Variants in MAP2 observed in about 807,000 individuals in gnomAD.
The protein encoded by MAP2 is microtubule associated protein 2, also known as microtubule-associated protein 2.
A neutral mutation model predicts 137.6 loss-of-function variants in MAP2; 14 were observed. The ratio of observed to expected loss-of-function variants is 0.10; its 90% CI spans 0.07 to 0.16. MAP2 has a LOEUF of 0.16. Among genes scored for constraint, MAP2 ranks in the 10% least tolerant of loss-of-function variants. The pLI is 1.00. For synonymous variants in MAP2, 786 were observed against 782.3 expected (o/e 1.00, Z -0.08); for missense variants, 2,088 against 2,191.5 (o/e 0.95, Z 0.94).
At chr2:209,429,532 AATTTT>A (rs371644066) in intron 1 of MAP2, among the ~76,000 whole-genome samples, 5 of 152,304 alleles carry the variant, frequency 3.3e-5, no homozygotes, top group Middle Eastern at 3.4e-3. Context: ...AAATTAATTT[AATTTT>A]AAGTAAAATA....
chr2:209,473,194 C>G (rs1706242152), intron 1 of MAP2, among the ~76,000 whole-genome samples: 1 of 152,124 alleles, frequency 6.6e-6, no homozygotes, highest in African/African-American at 2.4e-5. Context: ...ATTCCTGGAA[C>G]CAAGTTTGTT....
chr2:209,571,671 G>C (rs1176577233), intron 2 of MAP2, among the ~76,000 whole-genome samples: 1 of 151,944 alleles, frequency 6.6e-6, no homozygotes, highest in Non-Finnish European at 1.5e-5. Flanking sequence ...CATAATTATA[G>C]TTCATGTGAC....
intron 6 of MAP2, 100 bp from the exon 7 acceptor site, chr2:209,680,650 T>C: frequency 1.0e-6 from 1 of 1,003,146 alleles, no homozygotes; most frequent in Non-Finnish European, 1.6e-6. Context: ...TTTCTGAATT[T>C]TATAGAGAGG....
chr2:209,661,450 T>A, intron 5 of MAP2: 1 of 947,204 alleles, frequency 1.1e-6, no homozygotes, highest in Non-Finnish European at 1.3e-6. Flanking sequence ...TGGCTGCCAT[T>A]TCCCTGAGCT....
rs190530560 is a variant in MAP2 at position 209,578,403 on chromosome 2, C to T, written c.-171-1633C>T. On this transcript the variant is annotated intron_variant, in intron 2 of 15. Transcript: ENST00000682079. ...AAATACAGTATAAAACTGATGGAGG[C>T]GATTCTTTCAAGAAGGAAAAAAAAA... Among the ~76,000 whole-genome samples the T allele has an allele frequency of 1.5e-3, 216 of 147,166 alleles. No individual in the cohort carries two copies. The Middle Eastern group carries it at 0.017, about 12-fold the overall frequency.
At chr2:209,542,524 C>T (rs976332089) in intron 2 of MAP2, among the ~76,000 whole-genome samples, 6 of 152,214 alleles carry the variant, frequency 3.9e-5, no homozygotes, top group Admixed American at 3.3e-4. Context: ...CTATGAAAGT[C>T]CTAGATAGGA....
intron 3 of MAP2, among the ~76,000 whole-genome samples, chr2:209,615,058 C>G (rs1333624528): frequency 6.6e-6 from 1 of 152,122 alleles, no homozygotes; most frequent in African/African-American, 2.4e-5. Context: ...CATGCCTTTC[C>G]AAATTATCCA....
intron 7 of MAP2, among the ~76,000 whole-genome samples, chr2:209,687,012 C>T (rs1235265194): frequency 1.3e-5 from 2 of 151,706 alleles, no homozygotes; most frequent in South Asian, 2.1e-4. Context: ...CAAATCAGAA[C>T]CTGGTTTAAA....
rs1178807945 is a variant in MAP2 at position 209,601,276 on chromosome 2, C to CT, written c.-107+21182dup. 4.0e-5 allele frequency among the ~76,000 whole-genome samples: 6 copies of CT among 151,450 alleles called. No homozygotes were observed. The East Asian group carries it at 5.8e-4, about 15-fold the overall frequency. On this transcript the variant is annotated intron_variant, in intron 3 of 15. Transcript: ENST00000682079. ...GTAGTCAATCCTTTCAGTTTTTATT[C>CT]TTTTTTCTTTTTTTCAAGTTATAAT...
chr2:209,670,345 A>T (rs988276131), intron 5 of MAP2, among the ~76,000 whole-genome samples: 3 of 151,962 alleles, frequency 2.0e-5, no homozygotes, highest in Admixed American at 1.3e-4. Flanking sequence ...ATAAAGCTAA[A>T]TTGTAACGAT....
chr2:209,531,231 CCTT>C (rs1302464770), intron 2 of MAP2, among the ~76,000 whole-genome samples: 2 of 152,052 alleles, frequency 1.3e-5, no homozygotes, highest in African/African-American at 4.8e-5. Flanking sequence ...AAGATAATGT[CCTT>C]CTCTTTATTT....
At chr2:209,719,252 T>C (rs2069109752) in intron 13 of MAP2, among the ~76,000 whole-genome samples, 1 of 152,138 alleles carries the variant, frequency 6.6e-6, no homozygotes, top group Non-Finnish European at 1.5e-5. Flanking sequence ...CCTAGGTTCG[T>C]ACCTAATGGA....
At chr2:209,613,253 T>C (rs924125998) in intron 3 of MAP2, among the ~76,000 whole-genome samples, 1 of 80,462 alleles carries the variant, frequency 1.2e-5, no homozygotes, top group African/African-American at 4.6e-4. Context: ...ATTTCTATTT[T>C]TATTTATTTA....
chr2:209,589,824 G>A (rs2078768998), intron 3 of MAP2, among the ~76,000 whole-genome samples: 1 of 152,160 alleles, frequency 6.6e-6, no homozygotes, highest in Non-Finnish European at 1.5e-5. Context: ...AATTATTAAT[G>A]TTTCAAAAGA....
intron 2 of MAP2, among the ~76,000 whole-genome samples, chr2:209,528,903 CACACATATAT>C (rs911206370): frequency 3.6e-5 from 5 of 137,884 alleles, no homozygotes; most frequent in African/African-American, 1.4e-4. Flanking sequence ...CATATATATA[CACACATATAT>C]ACACACATAC....
intron 7 of MAP2, among the ~76,000 whole-genome samples, chr2:209,687,553 C>T (rs906642642): frequency 2.0e-5 from 3 of 152,200 alleles, no homozygotes; most frequent in Non-Finnish European, 4.4e-5. Flanking sequence ...GAAACATTCA[C>T]TGTCTCCCAT....
intron 4 of MAP2, among the ~76,000 whole-genome samples, chr2:209,652,746 G>A: frequency 6.6e-6 from 1 of 152,090 alleles, no homozygotes. Context: ...TTTTCCCTAT[G>A]CTGAAGGATT....
At chr2:209,702,763 G>A (rs1307196844) in intron 11 of MAP2, among the ~76,000 whole-genome samples, 1 of 151,920 alleles carries the variant, frequency 6.6e-6, no homozygotes, top group Non-Finnish European at 1.5e-5. Context: ...GACTTGTGCT[G>A]ACCCAATTAC....
intron 1 of MAP2, among the ~76,000 whole-genome samples, chr2:209,488,269 C>A (rs1485979436): frequency 6.6e-5 from 10 of 152,336 alleles, no homozygotes; most frequent in Non-Finnish European, 5.9e-5. Context: ...CTACGCTTTT[C>A]CCATGGTCTT....
Sources: gnomAD v4.1 joint callset for allele counts (sites outside exome capture counted in the v4.1 genomes callset) on GRCh38, gnomAD v4.1.1 for gene constraint, MANE v1.5 for transcripts, NCBI Gene and HGNC (gene_info 2026-07-23, HGNC 2026-07-21) for gene names.